The following PRKCE variants were observed in gnomAD, a reference collection of about 807,000 sequenced individuals.
PRKCE encodes the protein protein kinase C epsilon type.
PRKCE carries 16 observed loss-of-function variants against 85.4 expected under a neutral mutation model. That is an observed-to-expected ratio of 0.19 (90% confidence interval 0.13 to 0.28). The LOEUF is 0.28. PRKCE is among the 10% of genes least tolerant of loss of function. The probability of loss-of-function intolerance (pLI) is 1.00; values close to 1 mark genes in which losing one functional copy is unlikely to be tolerated. For missense variants in PRKCE, 573 were observed against 975.2 expected (o/e 0.59, Z 5.49); for synonymous variants, 388 against 371.5 (o/e 1.04, Z -0.51).
rs983302203 is a variant in PRKCE at position 45,794,621 on chromosome 2, C to T, written c.349-48379C>T. Among the ~76,000 whole-genome samples, 4 of 152,252 alleles carry T rather than the reference C, an allele frequency of 2.6e-5. No individual in the cohort carries two copies. The South Asian group carries it at 6.2e-4, about 24-fold the overall frequency. On this transcript the variant is annotated intron_variant, in intron 1 of 14. Coordinates refer to ENST00000306156, the MANE Select transcript of PRKCE (RefSeq NM_005400.3). ...GAAGGGCATGGATCTCGCCTGACAG[C>T]CCCGTCTCTGGAGGGAGATGTGTGA...
chr2:45,903,887 T>G lies in PRKCE; in HGVS notation c.412+60824T>G, dbSNP rs112552508. ...GAGAGCTTGTAGCCTGGCAGTTTTT[T>G]TTTGTTTGTTTGTTTGTTTGTTTGT... On this transcript the variant is annotated intron_variant, in intron 2 of 14. Coordinates refer to ENST00000306156, the MANE Select transcript of PRKCE (RefSeq NM_005400.3). Among the ~76,000 whole-genome samples the G allele has an allele frequency of 4.4e-3, 454 of 102,682 alleles. 21 individuals carry two copies. The highest frequency in any genetic ancestry group is 0.015 in the African/African-American group (416 of 28,086). 67.4% of individuals were successfully genotyped at this position (102,682 alleles called of 152,430 possible).
At chr2:45,719,706 C>A (rs1415774437) in intron 1 of PRKCE, among the ~76,000 whole-genome samples, 10 of 152,072 alleles carry the variant, frequency 6.6e-5, no homozygotes. Context: ...AATTTTCTCT[C>A]CCCCTTTTAC....
intron 1 of PRKCE, among the ~76,000 whole-genome samples, chr2:45,713,189 A>G (rs1679811399): frequency 6.6e-6 from 1 of 152,156 alleles, no homozygotes; most frequent in African/African-American, 2.4e-5. Context: ...ATGCTTATTT[A>G]AGAATGTGTT....
At chr2:46,064,297 A>AG (rs1264474866) in intron 10 of PRKCE, among the ~76,000 whole-genome samples, 3 of 140,856 alleles carry the variant, frequency 2.1e-5, no homozygotes, top group Non-Finnish European at 4.5e-5. Context: ...AAAAAAAAAA[A>AG]AAAAAGAAAA....
At chr2:45,664,926 C>G (rs1572885534) in intron 1 of PRKCE, among the ~76,000 whole-genome samples, 3 of 152,218 alleles carry the variant, frequency 2.0e-5, no homozygotes, top group Admixed American at 1.3e-4. Flanking sequence ...TGCCCAACCT[C>G]TAATGCAGTG....
At chr2:45,777,685 C>A (rs1447434321) in intron 1 of PRKCE, among the ~76,000 whole-genome samples, 1 of 152,150 alleles carries the variant, frequency 6.6e-6, no homozygotes, top group East Asian at 1.9e-4. Context: ...GGAGGGTAGG[C>A]ACCCCTGTAA....
chr2:45,869,109 AGG>A (rs1285968916), intron 2 of PRKCE, among the ~76,000 whole-genome samples: 4 of 152,222 alleles, frequency 2.6e-5, no homozygotes, highest in Non-Finnish European at 5.9e-5. Flanking sequence ...TCTTTGTGAT[AGG>A]TGATCTACTT....
chr2:45,966,291 C>T (rs902857804), intron 2 of PRKCE, among the ~76,000 whole-genome samples: 1 of 152,144 alleles, frequency 6.6e-6, no homozygotes, highest in African/African-American at 2.4e-5. Context: ...TGTGATGCTC[C>T]CACAAACGTG....
intron 2 of PRKCE, among the ~76,000 whole-genome samples, chr2:45,849,227 C>T (rs1692045710): frequency 6.6e-6 from 1 of 152,160 alleles, no homozygotes. Context: ...TCACCATGAC[C>T]TACAATGGGA....
chr2:45,912,034 G>A (rs1417599742), intron 2 of PRKCE, among the ~76,000 whole-genome samples: 1 of 151,976 alleles, frequency 6.6e-6, no homozygotes, highest in Non-Finnish European at 1.5e-5. Context: ...TTGGGAGAAT[G>A]TTTCCCACGC....
chr2:45,676,452 C>T (rs1186215165), intron 1 of PRKCE, among the ~76,000 whole-genome samples: 2 of 152,162 alleles, frequency 1.3e-5, no homozygotes, highest in East Asian at 3.8e-4. Context: ...ACATGCAGGT[C>T]AGAATGACGT....
chr2:45,804,144 A>G (rs1243137174), intron 1 of PRKCE, among the ~76,000 whole-genome samples: 1 of 152,194 alleles, frequency 6.6e-6, no homozygotes, highest in Non-Finnish European at 1.5e-5. Flanking sequence ...TGCTTAATGC[A>G]TGACTCTAGT....
intron 10 of PRKCE, among the ~76,000 whole-genome samples, chr2:46,084,162 C>T (rs11125048): frequency 0.36 from 55,332 of 152,008 alleles, 11,006 homozygotes; most frequent in African/African-American, 0.51. Flanking sequence ...GCTTTGAAGG[C>T]GAAGGGCAAA....
chr2:45,902,240 G>A (rs903031561), intron 2 of PRKCE, among the ~76,000 whole-genome samples: 3 of 152,186 alleles, frequency 2.0e-5, no homozygotes, highest in Non-Finnish European at 2.9e-5. Context: ...AGAGAAGCCA[G>A]CTCACGGCTC....
intron 1 of PRKCE, among the ~76,000 whole-genome samples, chr2:45,754,782 G>A (rs1237194568): frequency 6.6e-6 from 1 of 152,160 alleles, no homozygotes; most frequent in Admixed American, 6.5e-5. Context: ...GACGTGCATT[G>A]GAAGGCAAAG....
At chr2:46,122,662 A>T (rs558141058) in intron 11 of PRKCE, among the ~76,000 whole-genome samples, 1 of 152,230 alleles carries the variant, frequency 6.6e-6, no homozygotes, top group South Asian at 2.1e-4. Flanking sequence ...GAAGAATAAT[A>T]ATTATTATTG....
intron 1 of PRKCE, among the ~76,000 whole-genome samples, chr2:45,826,949 G>C (rs1373701289): frequency 6.6e-6 from 1 of 152,122 alleles, no homozygotes; most frequent in Non-Finnish European, 1.5e-5. Context: ...CTCCTAAGTT[G>C]CCTTCCTGCG....
chr2:45,683,527 G>C (rs1487638226), intron 1 of PRKCE, among the ~76,000 whole-genome samples: 1 of 152,190 alleles, frequency 6.6e-6, no homozygotes, highest in Non-Finnish European at 1.5e-5. Flanking sequence ...GCTTAGGACA[G>C]CAGGGAGAGG....
At chr2:46,021,544 T>C (rs1706661195) in intron 10 of PRKCE, among the ~76,000 whole-genome samples, 1 of 152,076 alleles carries the variant, frequency 6.6e-6, no homozygotes, top group Non-Finnish European at 1.5e-5. Context: ...GTCCTCCCTT[T>C]AGCACTTAGA....
Sources: gnomAD v4.1 joint callset for allele counts (sites outside exome capture counted in the v4.1 genomes callset) on GRCh38, gnomAD v4.1.1 for gene constraint, MANE v1.5 for transcripts, NCBI Gene and HGNC (gene_info 2026-07-23, HGNC 2026-07-21) for gene names.